FBP1: variants seen among roughly 807,000 people sequenced by gnomAD.
The protein encoded by FBP1 is fructose-1,6-bisphosphatase 1.
Under a neutral mutation model 29.9 loss-of-function variants are expected in FBP1, and 22 were observed. The ratio of observed to expected loss-of-function variants is 0.74; its 90% confidence interval spans 0.53 to 1.05. FBP1 has a LOEUF of 1.05. FBP1 is among the 50% of genes least tolerant of loss of function. The probability of loss-of-function intolerance (pLI) is 0.00; values close to 1 mark genes in which losing one functional copy is unlikely to be tolerated. For missense variants in FBP1, 345 were observed against 448.2 expected, an observed-to-expected ratio of 0.77 and a Z score of 2.08; for synonymous variants, 175 against 178.6, an observed-to-expected ratio of 0.98 and a Z score of 0.16.
At chr9:94,603,836 T>G (rs1827651020) in intron 6 of FBP1, 1 of 505,620 alleles carries the variant, frequency 2.0e-6, no homozygotes, top group African/African-American at 1.9e-5. Flanking sequence ...ACAGACCACC[T>G]GCATACTGGA....
chr9:94,638,840 G>A (rs1314310067), intron 1 of FBP1, among the ~76,000 whole-genome samples: 1 of 152,104 alleles, frequency 6.6e-6, no homozygotes, highest in Non-Finnish European at 1.5e-5. Context: ...GGCTGAGAGG[G>A]GTACGAGGCA....
chr9:94,624,241 G>A (rs1452839649), intron 1 of FBP1, among the ~76,000 whole-genome samples: 1 of 151,740 alleles, frequency 6.6e-6, no homozygotes, highest in East Asian at 1.9e-4. Flanking sequence ...AGGAGGCTGA[G>A]GCAGAAGAAT....
chr9:94,639,001 A>G (rs1412203280), intron 1 of FBP1, 140 bp downstream of exon 1: 2 of 863,200 alleles, frequency 2.3e-6, no homozygotes, highest in Admixed American at 2.0e-5. Context: ...TACCAGACAG[A>G]GAGCGAGAGA....
chr9:94,612,331 C>T (rs1271554531), intron 3 of FBP1, among the ~76,000 whole-genome samples: 1 of 152,142 alleles, frequency 6.6e-6, no homozygotes, highest in Non-Finnish European at 1.5e-5. Context: ...CAGAGATTCA[C>T]CTCGCCCAGA....
Position 94,625,835 on chromosome 9 carries a change from G to A in FBP1, c.171-5344C>T, listed in dbSNP as rs536508210. ...GAGCTGCCCGCGTCCACCAAACCAC[G>A]CAGGACCCTCACCACCTGCAAGGAC... is the stretch of plus-strand genomic sequence containing the variant. On this transcript the variant is annotated intron_variant, in intron 1 of 6. Coordinates refer to ENST00000375326, the MANE Select transcript of FBP1 (RefSeq NM_000507.4). 2.7e-5 allele frequency among the ~76,000 whole-genome samples: 4 copies of A among 150,344 alleles called. No homozygotes were observed. The East Asian group carries it at 8.2e-4, about 31-fold the overall frequency.
At chr9:94,628,251 T>G (rs1273965712) in intron 1 of FBP1, among the ~76,000 whole-genome samples, 1 of 151,964 alleles carries the variant, frequency 6.6e-6, no homozygotes, top group African/African-American at 2.4e-5. Flanking sequence ...CCAGGTGTGG[T>G]GGCACATGCC....
intron 6 of FBP1, among the ~76,000 whole-genome samples, chr9:94,604,334 T>C (rs1164212013): frequency 1.3e-5 from 2 of 152,112 alleles, no homozygotes; most frequent in Non-Finnish European, 2.9e-5. Flanking sequence ...CCACACAGGT[T>C]GATATGCCCG....
intron 1 of FBP1, among the ~76,000 whole-genome samples, chr9:94,624,297 C>T (rs1443225230): frequency 7.0e-6 from 1 of 142,128 alleles, no homozygotes; most frequent in Non-Finnish European, 1.5e-5. Context: ...GAGATTGCGT[C>T]ACTGCACTCC....
At position 94,608,308 on chromosome 9, in the gene FBP1, A is replaced by G. The variant is rs577284619; in HGVS notation, c.568-1356T>C. 2.0e-5 allele frequency among the ~76,000 whole-genome samples: 3 copies of G among 152,368 alleles called. No homozygotes were observed. In the South Asian group the frequency reaches 6.2e-4, roughly 32 times the overall value. On this transcript the variant is annotated intron_variant, in intron 4 of 6. Transcript: ENST00000375326. Reference sequence around the variant, plus strand: ...AGCCCCGTCAGGCACCGCAGACAGAAGGGCTGGAATCAAATCCCAGCAGCC... The same window carrying G: ...AGCCCCGTCAGGCACCGCAGACAGAGGGGCTGGAATCAAATCCCAGCAGCC...
intron 1 of FBP1, among the ~76,000 whole-genome samples, chr9:94,637,880 C>T (rs1375719744): frequency 2.0e-5 from 3 of 151,706 alleles, no homozygotes; most frequent in East Asian, 2.0e-4. Flanking sequence ...GTCGGGAGTT[C>T]GAGACCAGCC....
At chr9:94,607,039 C>A in intron 4 of FBP1, 87 bp from the exon 5 acceptor site, 1 of 1,582,800 alleles carries the variant, frequency 6.3e-7, no homozygotes, top group Non-Finnish European at 8.7e-7. Flanking sequence ...GGCTGGGCTA[C>A]GCTGGGCTGG....
chr9:94,619,122 C>T (rs949278760), intron 2 of FBP1, among the ~76,000 whole-genome samples: 20 of 152,248 alleles, frequency 1.3e-4, no homozygotes, highest in African/African-American at 4.8e-4. Context: ...AGAAGTCCGG[C>T]GTGAGTGATG....
chr9:94,616,053 C>T (rs186248943), intron 3 of FBP1, among the ~76,000 whole-genome samples: 7 of 152,236 alleles, frequency 4.6e-5, no homozygotes, highest in East Asian at 1.9e-4. Flanking sequence ...TGGTCTCAAT[C>T]TCCTGACCTC....
At chr9:94,603,623 A>G in intron 6 of FBP1, 51 bp from the exon 7 acceptor site, 1 of 1,545,840 alleles carries the variant, frequency 6.5e-7, no homozygotes, top group South Asian at 1.1e-5. Flanking sequence ...GGTATTGCGT[A>G]AAAAAGAGAC....
chr9:94,603,587 C>G lies in FBP1; in HGVS notation c.826-15G>C, dbSNP rs148942437. 1.2e-6 allele frequency: 2 copies of G among 1,612,858 alleles called. No individual in the cohort carries two copies. Among genetic ancestry groups the G allele is most frequent in the African/African-American group, 1.3e-5 (1 of 74,870 alleles). The stretch of plus-strand genomic sequence containing the variant: ...AGCAGTCTCAGCTGGAAAACAAGAC[C>G]GGGTAGCGGCCTCCTTGTATCAGAA... On this transcript the variant is annotated splice_polypyrimidine_tract_variant and intron_variant, in intron 6 of 6. Coordinates refer to ENST00000375326, the MANE Select transcript of FBP1 (RefSeq NM_000507.4).
intron 1 of FBP1, among the ~76,000 whole-genome samples, chr9:94,637,197 T>C (rs1287065434): frequency 6.6e-6 from 1 of 152,122 alleles, no homozygotes; most frequent in Non-Finnish European, 1.5e-5. Context: ...TATTCAAAAA[T>C]AAATGTGATC....
chr9:94,626,734 A>G (rs1378429425), intron 1 of FBP1, among the ~76,000 whole-genome samples: 1 of 152,116 alleles, frequency 6.6e-6, no homozygotes, highest in Non-Finnish European at 1.5e-5. Flanking sequence ...TTTTCTCCAT[A>G]AGTTTTCAGA....
Position 94,639,501 on chromosome 9 carries a change from G to C in FBP1, c.-191C>G, listed in dbSNP as rs1176083488. Reference sequence around the variant, plus strand: ...GCCGCCCCGAGTGTCCGCAGCGCTCGTGGTGCAACTGGGCCAGGCCAGGCG... The same window carrying C: ...GCCGCCCCGAGTGTCCGCAGCGCTCCTGGTGCAACTGGGCCAGGCCAGGCG... On this transcript the variant is annotated 5_prime_UTR_variant, in exon 1 of 7. Coordinates refer to ENST00000375326, the MANE Select transcript of FBP1 (RefSeq NM_000507.4). The C allele has an allele frequency of 5.8e-6, 4 of 685,124 alleles. No individual in the cohort carries two copies. The highest frequency in any genetic ancestry group is 2.3e-5 in the Admixed American group (1 of 43,672). 42.4% of individuals were successfully genotyped at this position (685,124 alleles called of 1,614,324 possible). A position where few individuals can be genotyped will look rare whatever the true frequency, so the allele number is the denominator to read the frequency against.
In FBP1 at chr9:94,612,549, A is replaced by ATTT. The variant is rs561246840; in HGVS notation, c.427-2491_427-2489dup. On this transcript the variant is annotated intron_variant, in intron 3 of 6. Coordinates refer to ENST00000375326, the MANE Select transcript of FBP1 (RefSeq NM_000507.4). ...GAATTCTTTTCTAGCCCAGCCCCCA[A>ATTT]TTTTTTTTTTTTTTTTTTTTTTTTT... Among the ~76,000 whole-genome samples, 439 of 107,872 alleles carry ATTT rather than the reference A, an allele frequency of 4.1e-3. 10 individuals carry two copies. Among genetic ancestry groups the ATTT allele is most frequent in the African/African-American group, 6.5e-3 (187 of 28,970 alleles). The allele number at this position is 107,872 out of a possible 152,430, so 70.8% of individuals were successfully genotyped here. A position where few individuals can be genotyped will look rare whatever the true frequency, so the allele number is the denominator to read the frequency against.
Sources: gnomAD v4.1 joint callset for allele counts (sites outside exome capture counted in the v4.1 genomes callset) on GRCh38, gnomAD v4.1.1 for gene constraint, MANE v1.5 for transcripts, NCBI Gene and HGNC (gene_info 2026-07-23, HGNC 2026-07-21) for gene names.